Variants in MAK16 observed in about 807,000 individuals in gnomAD.
The protein encoded by MAK16 is MAK16 homolog, also known as protein MAK16 homolog.
Under a neutral mutation model 49.9 loss-of-function variants are expected in MAK16, and 12 were observed. That is an observed-to-expected ratio of 0.24 (90% CI 0.15 to 0.39). The LOEUF (loss-of-function observed/expected upper bound fraction) is 0.39, where lower values mean the gene tolerates loss of function less well. Ranked by LOEUF, MAK16 falls within the 10% of genes least tolerant of loss-of-function variation. The pLI is 1.00. For missense variants in MAK16, 292 were observed against 363.7 expected, an observed-to-expected ratio of 0.80 and a Z score of 1.60; for synonymous variants, 115 against 126.4, an observed-to-expected ratio of 0.91 and a Z score of 0.60.
Position 33,489,035 on chromosome 8 carries a change from A to T in MAK16, c.288A>T (p.Glu96Asp). 2 of 1,614,170 alleles carry T rather than the reference A, an allele frequency of 1.2e-6. No homozygotes were observed. The highest frequency in any genetic ancestry group is 1.7e-6 in the Non-Finnish European group (2 of 1,180,006). ...NYEKALEQID[E>D]NLIYWPRFIR... ...AGAAAGCACTGGAGCAAATAGATGA[A>T]AATCTGATTTACTGGCCCCGTTTCA... Residue 96 changes from glutamate to aspartate, a missense_variant, in exon 5 of 10, where the codon GAA becomes GAT. Physicochemically the swap from Glu to Asp is conservative, Grantham distance 45 (BLOSUM62 2). Coordinates refer to ENST00000360128, the MANE Select transcript of MAK16 (RefSeq NM_032509.4). The surrounding 1 kb of genome is among the most constrained non-coding windows in gnomAD (Gnocchi z 4.2).
chr8:33,488,471 C>G (rs770560781), intron 2 of MAK16, 44 bp downstream of exon 2: 41 of 1,613,454 alleles, frequency 2.5e-5, no homozygotes, highest in Non-Finnish European at 3.4e-5. Context: ...CTTCAGTTGC[C>G]TCTTTGGCAA....
At position 33,496,666 on chromosome 8, in the gene MAK16, A is replaced by G; in HGVS notation, c.564A>G (p.Lys188=). 6.2e-7 allele frequency: 1 copy of G among 1,613,692 alleles called. No homozygotes were observed. The highest frequency in any genetic ancestry group is 8.5e-7 in the Non-Finnish European group (1 of 1,179,802). The change falls in exon 8 of 10, where the codon AAA becomes AAG. Residue 188 remains lysine (K), a synonymous_variant. Transcript: ENST00000360128. The stretch of plus-strand genomic sequence containing the variant: ...ACTTCCCCATTCATGCCTTCGACAA[A>G]GCCCTGGAACAACAGGAGGCAGAGA... ...IYNFPIHAFD[K]ALEQQEAESD...
At chr8:33,488,862 A>G in intron 4 of MAK16, 64 bp downstream of exon 4, 2 of 1,600,120 alleles carry the variant, frequency 1.2e-6, no homozygotes, top group Admixed American at 3.3e-5. Flanking sequence ...ATGCTTGACC[A>G]TGATGCCCAA....
chr8:33,487,858 G>C (rs1239132362), intron 1 of MAK16, among the ~76,000 whole-genome samples: 1 of 152,190 alleles, frequency 6.6e-6, no homozygotes, highest in African/African-American at 2.4e-5. Context: ...TTTTATCTCT[G>C]GGTAATGGAG....
chr8:33,490,076 G>A (rs1344294677), intron 5 of MAK16, among the ~76,000 whole-genome samples: 1 of 152,156 alleles, frequency 6.6e-6, no homozygotes, highest in African/African-American at 2.4e-5. Flanking sequence ...GTATCTTGCT[G>A]TATTGAGCTG....
intron 6 of MAK16, 85 bp from the exon 7 acceptor site, chr8:33,495,456 TA>T: frequency 1.8e-6 from 2 of 1,140,828 alleles, no homozygotes; most frequent in South Asian, 1.4e-5. Flanking sequence ...GTCTTTCTTA[TA>T]AACAACTTGG....
chr8:33,485,293 A>T, intron 1 of MAK16, 72 bp downstream of exon 1: 2 of 1,596,650 alleles, frequency 1.3e-6, no homozygotes, highest in Admixed American at 1.7e-5. Context: ...GACACTTAGA[A>T]AACGCGTACG....
intron 1 of MAK16, among the ~76,000 whole-genome samples, chr8:33,488,119 G>C (rs959055781): frequency 2.0e-5 from 3 of 152,038 alleles, no homozygotes; most frequent in African/African-American, 7.2e-5. Flanking sequence ...ATATAAACAG[G>C]GTTTCTCCAT....
chr8:33,498,673 GT>G lies in MAK16; in HGVS notation c.*60del, dbSNP rs11445524. 69,163 of 1,138,134 alleles carry G rather than the reference GT, an allele frequency of 0.061. 4 individuals are homozygous for G. Among genetic ancestry groups the G allele is most frequent in the South Asian group, 0.092 (5,648 of 61,414 alleles). 70.5% of individuals were successfully genotyped at this position (1,138,134 alleles called of 1,614,324 possible). ...TACCCAGGACTGAACATGCAGAACT[GT>G]TTTTTTTTTTTTTTTATCTTAAACA... is the stretch of plus-strand genomic sequence containing the variant. On this transcript the variant is annotated 3_prime_UTR_variant, in exon 10 of 10. Coordinates refer to ENST00000360128, the MANE Select transcript of MAK16 (RefSeq NM_032509.4).
chr8:33,486,457 CAGA>C (rs1808688809), intron 1 of MAK16, among the ~76,000 whole-genome samples: 1 of 152,120 alleles, frequency 6.6e-6, no homozygotes, highest in Admixed American at 6.5e-5. Context: ...AAGGCTGAGG[CAGA>C]AGGACTACTT....
intron 9 of MAK16, among the ~76,000 whole-genome samples, chr8:33,497,871 G>A (rs1053285807): frequency 3.3e-5 from 5 of 151,456 alleles, no homozygotes; most frequent in Non-Finnish European, 5.9e-5. Context: ...CGAGGTGGGC[G>A]GATCACATGA....
intron 6 of MAK16, among the ~76,000 whole-genome samples, chr8:33,494,313 G>T (rs781720430): frequency 2.6e-5 from 4 of 152,150 alleles, no homozygotes; most frequent in Non-Finnish European, 5.9e-5. Flanking sequence ...GACGTCGGGT[G>T]ATCTGCCCAC....
chr8:33,486,342 C>A (rs1014991758), intron 1 of MAK16, among the ~76,000 whole-genome samples: 4 of 152,070 alleles, frequency 2.6e-5, no homozygotes, highest in Admixed American at 2.0e-4. Context: ...CGCTTGAGGC[C>A]AGGAGTTCGA....
Position 33,499,689 on chromosome 8 carries a change from G to C in MAK16, c.*1060G>C, listed in dbSNP as rs1394365617. ...ATGAATTTTTTTTTCCTGCTGGGTA[G>C]ATTGTCCAGTGACTTATGGCATGAA... On this transcript the variant is annotated 3_prime_UTR_variant, in exon 10 of 10. Transcript: ENST00000360128. The C allele has an allele frequency of 1.7e-5, 3 of 177,852 alleles. No individual in the cohort carries two copies. Among genetic ancestry groups the C allele is most frequent in the Non-Finnish European group, 3.6e-5 (3 of 83,684 alleles). 11.0% of individuals were successfully genotyped at this position (177,852 alleles called of 1,614,324 possible). A position where few individuals can be genotyped will look rare whatever the true frequency, so the allele number is the denominator to read the frequency against.
At chr8:33,495,685 A>T (rs1219725027) in intron 7 of MAK16, 69 bp downstream of exon 7, 22 of 231,090 alleles carry the variant, frequency 9.5e-5, no homozygotes, top group Admixed American at 3.3e-4. Context: ...CATATTGGGA[A>T]TTTTTTTTTT....
At chr8:33,488,905 A>G in intron 4 of MAK16, 83 bp from the exon 5 acceptor site, 1 of 1,604,216 alleles carries the variant, frequency 6.2e-7, no homozygotes, top group Non-Finnish European at 8.5e-7. Context: ...GGCCATCCTC[A>G]TTAGGCCATG....
chr8:33,499,168 A>G lies in MAK16; in HGVS notation c.*539A>G. The G allele has an allele frequency of 6.2e-7, 1 of 1,606,228 alleles. No individual in the cohort carries two copies. Among genetic ancestry groups the G allele is most frequent in the South Asian group, 1.1e-5 (1 of 90,916 alleles). ...TCCTTTCCTCTTGGGAAAGTAATAC[A>G]AGTCTTAAGTTCCATTGTAGGGTGC... is the stretch of plus-strand genomic sequence containing the variant. On this transcript the variant is annotated 3_prime_UTR_variant, in exon 10 of 10. Coordinates refer to ENST00000360128, the MANE Select transcript of MAK16 (RefSeq NM_032509.4).
chr8:33,488,997 A>G lies in MAK16; in HGVS notation c.250A>G (p.Ser84Gly). The G allele has an allele frequency of 6.2e-7, 1 of 1,614,174 alleles. No individual in the cohort carries two copies. Among genetic ancestry groups the G allele is most frequent in the African/African-American group, 1.3e-5 (1 of 75,054 alleles). ...PRRLWERVRLSKNYEKALEQI... is the reference protein window; with the variant it reads ...PRRLWERVRLGKNYEKALEQI... ...TGTTTCTGTTTGGTAGGTCCGGCTT[A>G]GTAAAAACTATGAGAAAGCACTGGA... The change falls in exon 5 of 10, where the codon AGT (serine) becomes GGT (glycine). Residue 84 changes from serine (S) to glycine (G), a missense_variant. Ser to Gly is a moderately conservative substitution (Grantham distance 56). Coordinates refer to ENST00000360128, the MANE Select transcript of MAK16 (RefSeq NM_032509.4).
rs538646672 is a variant in MAK16, at chr8:33,499,799, A to C, written c.*1170A>C. 6.2e-6 allele frequency: 1 copy of C among 161,390 alleles called. No homozygotes were observed. The highest frequency in any genetic ancestry group is 1.7e-4 in the South Asian group (1 of 5,828). The allele number at this position is 161,390 out of a possible 1,614,324, so 10.0% of individuals were successfully genotyped here. A position where few individuals can be genotyped will look rare whatever the true frequency, so the allele number is the denominator to read the frequency against. On this transcript the variant is annotated 3_prime_UTR_variant, in exon 10 of 10. Coordinates refer to ENST00000360128, the MANE Select transcript of MAK16 (RefSeq NM_032509.4). ...GGCAGTAGTTTATTAAATACATAGA[A>C]GTACACAGCTATTATATGCTGTGGC...
Sources: allele counts gnomAD v4.1 joint callset (sites outside exome capture counted in the v4.1 genomes callset), GRCh38; gene constraint gnomAD v4.1.1; non-coding constraint Gnocchi (gnomAD v3.1); transcripts MANE v1.5; gene names NCBI Gene and HGNC (gene_info 2026-07-23, HGNC 2026-07-21).